KDM5B: variants seen among roughly 807,000 people sequenced by gnomAD.
KDM5B encodes the protein lysine demethylase 5B.
KDM5B carries 144 observed loss-of-function variants against 193.4 expected under a neutral mutation model. The ratio of observed to expected loss-of-function variants is 0.74; its 90% CI spans 0.65 to 0.86. KDM5B has a LOEUF of 0.86. Among genes scored for constraint, KDM5B ranks in the 40% least tolerant of loss-of-function variants. The pLI is 0.00. For missense variants in KDM5B, 1,833 were observed against 1,886.9 expected, an observed-to-expected ratio of 0.97 and a Z score of 0.53; for synonymous variants, 668 against 682.6, an observed-to-expected ratio of 0.98 and a Z score of 0.33.
At chr1:202,781,482 TA>T (rs1339878466) in intron 1 of KDM5B, among the ~76,000 whole-genome samples, 3 of 152,312 alleles carry the variant, frequency 2.0e-5, no homozygotes, top group East Asian at 3.9e-4. Flanking sequence ...AAATGTCAGT[TA>T]AAAAATACTA....
rs1655849145 is a variant in KDM5B at position 202,752,908 on chromosome 1, C to A, written c.1698G>T (p.Val566=). The change falls in exon 12 of 27, where the codon GTG becomes GTT. Residue 566 remains valine (V), a synonymous_variant. Coordinates refer to ENST00000367265, the MANE Select transcript of KDM5B (RefSeq NM_006618.5). ...GGAGGATTAACCCAGAACATACAGGCACTTCATGAGTCATCAGGGTATTGG... is the reference window on the plus strand; with the variant it reads ...GGAGGATTAACCCAGAACATACAGGAACTTCATGAGTCATCAGGGTATTGG... ...MNPNTLMTHE[V]PVYRTNQCAG... is the part of the protein sequence containing the mutation. The A allele has an allele frequency of 6.2e-7, 1 of 1,612,508 alleles. No homozygotes were observed. Among genetic ancestry groups the A allele is most frequent in the South Asian group, 1.1e-5 (1 of 90,720 alleles).
intron 25 of KDM5B, among the ~76,000 whole-genome samples, chr1:202,730,389 G>A (rs1215388106): frequency 1.3e-5 from 2 of 152,166 alleles, no homozygotes; most frequent in Admixed American, 6.5e-5. Context: ...CTGTCTAGGT[G>A]TTTATGTCTA....
In KDM5B at chr1:202,742,644, G is replaced by C; in HGVS notation, c.2474+11C>G. 1 of 1,613,470 alleles carries C rather than the reference G, an allele frequency of 6.2e-7. No individual in the cohort carries two copies. The highest frequency in any genetic ancestry group is 8.5e-7 in the Non-Finnish European group (1 of 1,179,592). On this transcript the variant is annotated intron_variant, in intron 17 of 26. Coordinates refer to ENST00000367265, the MANE Select transcript of KDM5B (RefSeq NM_006618.5). ...CAAAGAATCCAAACTCACGCAGTCAGAAGCGCATACCTAGTTTGCCTTTTG... is the reference window on the plus strand; with the variant it reads ...CAAAGAATCCAAACTCACGCAGTCACAAGCGCATACCTAGTTTGCCTTTTG...
At chr1:202,778,454 A>C (rs540340382) in intron 1 of KDM5B, among the ~76,000 whole-genome samples, 160 of 152,296 alleles carry the variant, frequency 1.1e-3, no homozygotes, top group African/African-American at 3.8e-3. Flanking sequence ...GACAATGGTA[A>C]TGGCTGTACA....
At chr1:202,779,896 T>C (rs545258731) in intron 1 of KDM5B, among the ~76,000 whole-genome samples, 1 of 151,924 alleles carries the variant, frequency 6.6e-6, no homozygotes, top group South Asian at 2.1e-4. Context: ...AACTGCAGCA[T>C]TACATTAGGA....
At chr1:202,755,981 A>C (rs1027142753) in intron 10 of KDM5B, among the ~76,000 whole-genome samples, 69 of 141,250 alleles carry the variant, frequency 4.9e-4, no homozygotes, top group African/African-American at 2.0e-3. Flanking sequence ...AAACTACCAA[A>C]AAAAAAAAAA....
chr1:202,773,839 G>A (rs1656822706), intron 3 of KDM5B, among the ~76,000 whole-genome samples: 1 of 151,880 alleles, frequency 6.6e-6, no homozygotes. Context: ...CTGGATTCAG[G>A]CGATTTTCCT....
chr1:202,795,141 G>C (rs1199227590), intron 1 of KDM5B, among the ~76,000 whole-genome samples: 1 of 151,994 alleles, frequency 6.6e-6, no homozygotes, highest in Non-Finnish European at 1.5e-5. Context: ...TTGAGCCCAG[G>C]AGGCAGAGAT....
Position 202,735,486 on chromosome 1 carries a change from T to C in KDM5B, c.3366A>G (p.Leu1122=), listed in dbSNP as rs1295379819. 2.5e-6 allele frequency: 4 copies of C among 1,614,140 alleles called. No individual in the cohort carries two copies. In the East Asian group the frequency reaches 8.9e-5, roughly 36 times the overall value. Residue 1122 remains leucine, a synonymous_variant, in exon 22 of 27, where the codon TTA becomes TTG. Transcript: ENST00000367265. ...LPNGKKKSTK[L]ESLSDLERAL... Reference sequence around the variant, plus strand: ...CTCTCTCCAGGTCACTCAGACTCTCTAATTTGGTGCTTTTTTTCTTTCCAT... The same window carrying C: ...CTCTCTCCAGGTCACTCAGACTCTCCAATTTGGTGCTTTTTTTCTTTCCAT...
At position 202,762,686 on chromosome 1, in the gene KDM5B, A is replaced by C. The variant is rs1403026499; in HGVS notation, c.918+13T>G. 7.3e-7 allele frequency: 1 copy of C among 1,365,802 alleles called. No homozygotes were observed. The highest frequency in any genetic ancestry group is 1.0e-6 in the Non-Finnish European group (1 of 953,254). 84.6% of individuals were successfully genotyped at this position (1,365,802 alleles called of 1,614,324 possible). On this transcript the variant is annotated intron_variant, in intron 7 of 26. Coordinates refer to ENST00000367265, the MANE Select transcript of KDM5B (RefSeq NM_006618.5). Reference sequence around the variant, plus strand: ...AACAGGAAAGAAAAAGGAGAAAGGGAGATGTCACTCACAGCATTGGTGGCT... The same window carrying C: ...AACAGGAAAGAAAAAGGAGAAAGGGCGATGTCACTCACAGCATTGGTGGCT...
At chr1:202,737,108 T>C (rs1328467771) in intron 20 of KDM5B, among the ~76,000 whole-genome samples, 1 of 152,212 alleles carries the variant, frequency 6.6e-6, no homozygotes, top group Admixed American at 6.5e-5. Context: ...CTCAAGACTT[T>C]CATACTGAAT....
intron 9 of KDM5B, 70 bp downstream of exon 9, chr1:202,758,321 T>C: frequency 8.7e-6 from 12 of 1,377,528 alleles, no homozygotes; most frequent in Non-Finnish European, 1.2e-5. Flanking sequence ...CAACTAAAAA[T>C]GGGTCTTCAG....
At chr1:202,801,184 A>T (rs1225520063) in intron 1 of KDM5B, among the ~76,000 whole-genome samples, 2 of 152,186 alleles carry the variant, frequency 1.3e-5, no homozygotes, top group Non-Finnish European at 2.9e-5. Context: ...TTTGTAATAA[A>T]ATTTTTTAAT....
At chr1:202,762,632 G>A (rs762112977) in intron 7 of KDM5B, 67 bp downstream of exon 7, 42 of 886,472 alleles carry the variant, frequency 4.7e-5, no homozygotes, top group Non-Finnish European at 7.6e-5. Flanking sequence ...GGGGGTAAAG[G>A]GGATTAAAGA....
intron 1 of KDM5B, among the ~76,000 whole-genome samples, chr1:202,777,377 A>C (rs1199667431): frequency 2.7e-5 from 4 of 148,592 alleles, no homozygotes; most frequent in Non-Finnish European, 5.9e-5. Flanking sequence ...AAAAACACTC[A>C]TTTAGGCAAA....
chr1:202,740,656 A>T lies in KDM5B; in HGVS notation c.3084+18T>A. On this transcript the variant is annotated intron_variant, in intron 20 of 26. Transcript: ENST00000367265. ...ATGGATGCACTTACACATTCTGTAT[A>T]TACTTTTTAAAACCAACCTGCAGGC... The T allele has an allele frequency of 1.2e-6, 2 of 1,608,478 alleles. No homozygotes were observed. Among genetic ancestry groups the T allele is most frequent in the South Asian group, 2.2e-5 (2 of 90,690 alleles).
chr1:202,759,372 T>A (rs1347916821), intron 8 of KDM5B, among the ~76,000 whole-genome samples: 1 of 151,838 alleles, frequency 6.6e-6, no homozygotes, highest in Non-Finnish European at 1.5e-5. Context: ...AAACCCTGTC[T>A]CTACTAAAAA....
chr1:202,729,221 T>G, intron 26 of KDM5B, 48 bp from the exon 27 acceptor site: 1 of 1,609,928 alleles, frequency 6.2e-7, no homozygotes, highest in Non-Finnish European at 8.5e-7. Flanking sequence ...AAAAAATGGA[T>G]TCAAAATTGG....
rs1572702894 is a variant in KDM5B at position 202,731,056 on chromosome 1, A to G, written c.4029T>C (p.Ser1343=). Reference sequence around the variant, plus strand: ...CCATCAATAGTTCATTCACTTCTGGACTAACACCTGTAAAAGACCAGACCA... The same window carrying G: ...CCATCAATAGTTCATTCACTTCTGGGCTAACACCTGTAAAAGACCAGACCA... ...GRSCIPLHGV[S]PEVNELLMEA... Residue 1343 remains serine (S), a synonymous_variant, in exon 25 of 27, where the codon AGT becomes AGC. Coordinates refer to ENST00000367265, the MANE Select transcript of KDM5B (RefSeq NM_006618.5). The G allele has an allele frequency of 6.2e-7, 1 of 1,604,634 alleles. No individual in the cohort carries two copies.
Sources: gnomAD v4.1 joint callset for allele counts (sites outside exome capture counted in the v4.1 genomes callset) on GRCh38, gnomAD v4.1.1 for gene constraint, MANE v1.5 for transcripts, NCBI Gene and HGNC (gene_info 2026-07-23, HGNC 2026-07-21) for gene names.